ALDH1A2: variants seen among roughly 807,000 people sequenced by gnomAD.
ALDH1A2 encodes aldehyde dehydrogenase 1 family member A2.
Under a neutral mutation model 60.3 loss-of-function variants are expected in ALDH1A2, and 27 were observed. The observed-to-expected ratio is 0.45, with a 90% CI of 0.33 to 0.62. The LOEUF (loss-of-function observed/expected upper bound fraction) is 0.62. ALDH1A2 is among the 20% of genes least tolerant of loss of function. ALDH1A2 has a pLI of 0.02. For missense variants in ALDH1A2, 581 were observed against 643.8 expected (o/e 0.90, Z 1.06); for synonymous variants, 289 against 232.4 (o/e 1.24, Z -2.21).
At chr15:58,037,564 A>G (rs1444153887) in intron 1 of ALDH1A2, among the ~76,000 whole-genome samples, 2 of 151,728 alleles carry the variant, frequency 1.3e-5, no homozygotes, top group Non-Finnish European at 3.0e-5. Flanking sequence ...ACCAGCCTGA[A>G]AACATGGACA....
intron 7 of ALDH1A2, among the ~76,000 whole-genome samples, chr15:57,986,467 G>GA (rs1327394722): frequency 4.6e-5 from 6 of 130,954 alleles, no homozygotes; most frequent in Non-Finnish European, 7.9e-5. Flanking sequence ...TACCTTTTAG[G>GA]AAAAAAAAAG....
At chr15:57,972,379 C>T (rs947444584) in intron 7 of ALDH1A2, among the ~76,000 whole-genome samples, 2 of 152,174 alleles carry the variant, frequency 1.3e-5, no homozygotes, top group Non-Finnish European at 2.9e-5. Flanking sequence ...ACTTAGCCAT[C>T]CTTTTGTTAC....
chr15:57,978,369 C>A (rs1456138752), intron 7 of ALDH1A2, among the ~76,000 whole-genome samples: 11 of 152,072 alleles, frequency 7.2e-5, no homozygotes, highest in African/African-American at 2.7e-4. Context: ...TCCATCAATA[C>A]CTAGTTTATT....
At chr15:57,966,976 G>T (rs1480051731) in intron 7 of ALDH1A2, among the ~76,000 whole-genome samples, 1 of 152,192 alleles carries the variant, frequency 6.6e-6, no homozygotes, top group Non-Finnish European at 1.5e-5. Context: ...ATTTGGTCTT[G>T]TTGAGATGAA....
At chr15:58,061,376 T>G (rs1595699350) in intron 1 of ALDH1A2, among the ~76,000 whole-genome samples, 1 of 151,484 alleles carries the variant, frequency 6.6e-6, no homozygotes, top group Admixed American at 6.6e-5. Context: ...AGGATCTAGA[T>G]CCACACCTAT....
chr15:58,005,171 C>T (rs1439430515), intron 4 of ALDH1A2, among the ~76,000 whole-genome samples: 1 of 151,876 alleles, frequency 6.6e-6, no homozygotes, highest in Non-Finnish European at 1.5e-5. Flanking sequence ...GCTACTCCCA[C>T]TGCCTGTAAT....
At chr15:57,981,428 G>A (rs1454499825) in intron 7 of ALDH1A2, among the ~76,000 whole-genome samples, 1 of 152,070 alleles carries the variant, frequency 6.6e-6, no homozygotes, top group Non-Finnish European at 1.5e-5. Flanking sequence ...GAGGAGAGCA[G>A]AATGTAGTTA....
At chr15:58,019,593 C>G (rs575747731) in intron 1 of ALDH1A2, among the ~76,000 whole-genome samples, 1 of 152,266 alleles carries the variant, frequency 6.6e-6, no homozygotes, top group African/African-American at 2.4e-5. Flanking sequence ...GTAAAAAGAA[C>G]AGATGGTCCA....
chr15:57,974,315 T>C (rs199549114), intron 7 of ALDH1A2, among the ~76,000 whole-genome samples: 23 of 151,114 alleles, frequency 1.5e-4, no homozygotes, highest in Non-Finnish European at 2.8e-4. Flanking sequence ...CGCCTGTAGT[T>C]CCAGCTACTT....
intron 1 of ALDH1A2, among the ~76,000 whole-genome samples, chr15:58,026,514 G>A (rs549804649): frequency 6.6e-6 from 1 of 152,282 alleles, no homozygotes; most frequent in African/African-American, 2.4e-5. Context: ...CACTGGGACT[G>A]GTTCGACAGT....
chr15:58,010,804 C>T lies in ALDH1A2; in HGVS notation c.364-26G>A, dbSNP rs4646591. On this transcript the variant is annotated intron_variant, in intron 3 of 12. Transcript: ENST00000249750. The stretch of plus-strand genomic sequence containing the variant: ...CTGTTGGAAGAGAAATGGAGAGATA[C>T]TAAGTCCCCAGAACTTTCCAGCGAT... 16 of 1,611,912 alleles carry T rather than the reference C, an allele frequency of 9.9e-6. No homozygotes were observed. The South Asian group carries it at 1.8e-4, about 18-fold the overall frequency.
intron 1 of ALDH1A2, among the ~76,000 whole-genome samples, chr15:58,061,610 CAA>C (rs1216992550): frequency 2.0e-3 from 199 of 100,276 alleles, no homozygotes; most frequent in South Asian, 4.5e-3. Context: ...AAAAAAAAAA[CAA>C]AAAAAAAAAA....
chr15:58,009,836 T>C (rs1895573342), intron 4 of ALDH1A2, among the ~76,000 whole-genome samples: 1 of 152,116 alleles, frequency 6.6e-6, no homozygotes, highest in Admixed American at 6.6e-5. Context: ...CTGAAGATGT[T>C]TGTAACAGTG....
At chr15:58,017,284 T>C (rs1258670237) in intron 1 of ALDH1A2, among the ~76,000 whole-genome samples, 1 of 152,320 alleles carries the variant, frequency 6.6e-6, no homozygotes, top group East Asian at 1.9e-4. Flanking sequence ...TTTATAGTAT[T>C]TGTTGATAAA....
At chr15:58,016,291 C>A (rs1895787339) in intron 1 of ALDH1A2, among the ~76,000 whole-genome samples, 1 of 151,822 alleles carries the variant, frequency 6.6e-6, no homozygotes, top group Non-Finnish European at 1.5e-5. Flanking sequence ...TTACAGGCAC[C>A]CACCACCATG....
intron 1 of ALDH1A2, chr15:58,036,478 A>G (rs1213374668): frequency 4.0e-5 from 6 of 151,588 alleles, no homozygotes. Flanking sequence ...CTTAGTTGAA[A>G]TGCAACCACT....
chr15:58,042,730 A>C (rs1423958662), intron 1 of ALDH1A2, among the ~76,000 whole-genome samples: 1 of 151,972 alleles, frequency 6.6e-6, no homozygotes, highest in Non-Finnish European at 1.5e-5. Flanking sequence ...AGATAAAGAC[A>C]CTGTGGTCAC....
intron 7 of ALDH1A2, among the ~76,000 whole-genome samples, chr15:57,970,553 C>T (rs1894029543): frequency 6.6e-6 from 1 of 152,158 alleles, no homozygotes; most frequent in Admixed American, 6.5e-5. Context: ...ATTTGTTATA[C>T]AGGACAAAAA....
intron 4 of ALDH1A2, among the ~76,000 whole-genome samples, chr15:58,006,319 T>C (rs1895456100): frequency 6.6e-6 from 1 of 152,020 alleles, no homozygotes; most frequent in African/African-American, 2.4e-5. Flanking sequence ...TCCAGCTCCA[T>C]TCAAGATGTT....
Sources: gnomAD v4.1 joint callset for allele counts (sites outside exome capture counted in the v4.1 genomes callset) on GRCh38, gnomAD v4.1.1 for gene constraint, MANE v1.5 for transcripts, NCBI Gene and HGNC (gene_info 2026-07-23, HGNC 2026-07-21) for gene names.